LINGO2: variants seen among roughly 807,000 people sequenced by gnomAD.
LINGO2 encodes the protein leucine rich repeat and Ig domain containing 2.
Under a neutral mutation model 30.6 loss-of-function variants are expected in LINGO2, and 14 were observed. The ratio of observed to expected loss-of-function variants is 0.46; its 90% CI spans 0.30 to 0.72. The LOEUF (loss-of-function observed/expected upper bound fraction) is 0.72, where lower values mean the gene tolerates loss of function less well. Among genes scored for constraint, LINGO2 ranks in the 30% least tolerant of loss-of-function variants. The pLI is 0.07. For synonymous variants in LINGO2, 317 were observed against 288.5 expected (o/e 1.10, Z -1.00); for missense variants, 729 against 751.7 (o/e 0.97, Z 0.35).
intron 5 of LINGO2, among the ~76,000 whole-genome samples, chr9:27,967,256 G>T (rs941915188): frequency 2.0e-5 from 3 of 152,128 alleles, no homozygotes; most frequent in African/African-American, 7.2e-5. Flanking sequence ...TGAAGACATC[G>T]AGGGACTTGG....
At chr9:28,050,478 A>G (rs969661090) in intron 4 of LINGO2, among the ~76,000 whole-genome samples, 1 of 151,008 alleles carries the variant, frequency 6.6e-6, no homozygotes, top group Non-Finnish European at 1.5e-5. Flanking sequence ...ATTCAAGAAA[A>G]ACCACTGGGA....
At chr9:28,402,743 C>A (rs969620693) in intron 2 of LINGO2, among the ~76,000 whole-genome samples, 2 of 152,078 alleles carry the variant, frequency 1.3e-5, no homozygotes, top group Non-Finnish European at 2.9e-5. Context: ...TGAGAGACAA[C>A]CCTTTCCCCC....
chr9:28,817,601 A>G, the LINGO2 span, among the ~76,000 whole-genome samples: 1 of 152,164 alleles, frequency 6.6e-6, no homozygotes, highest in African/African-American at 2.4e-5. Context: ...CTTCTCAAAT[A>G]CAGCTTGAAA....
chr9:28,851,052 A>C, the LINGO2 span, among the ~76,000 whole-genome samples: 1 of 152,164 alleles, frequency 6.6e-6, no homozygotes, highest in Admixed American at 6.6e-5. Flanking sequence ...CCCAGGAGTA[A>C]AGACTTAATG....
intron 4 of LINGO2, among the ~76,000 whole-genome samples, chr9:28,155,501 TC>T (rs1248447067): frequency 6.6e-6 from 1 of 152,222 alleles, no homozygotes; most frequent in Non-Finnish European, 1.5e-5. Flanking sequence ...TCATGCTACT[TC>T]CTGCTTGAAA....
chr9:29,143,477 G>T, the LINGO2 span, among the ~76,000 whole-genome samples: 1 of 152,006 alleles, frequency 6.6e-6, no homozygotes, highest in Non-Finnish European at 1.5e-5. Flanking sequence ...AGACAAGTGG[G>T]ACAGATTAGA....
intron 1 of LINGO2, among the ~76,000 whole-genome samples, chr9:28,496,227 G>C (rs1367462814): frequency 6.6e-6 from 1 of 152,182 alleles, no homozygotes; most frequent in African/African-American, 2.4e-5. Context: ...CTAACTTTCT[G>C]TCTCGTTGAT....
chr9:28,308,283 C>T (rs544919666), intron 3 of LINGO2, among the ~76,000 whole-genome samples: 41 of 119,584 alleles, frequency 3.4e-4, no homozygotes, highest in African/African-American at 5.0e-4. Flanking sequence ...GCCGCATATC[C>T]ACAACTATCT....
At chr9:28,259,672 A>C (rs1213387112) in intron 4 of LINGO2, among the ~76,000 whole-genome samples, 1 of 152,116 alleles carries the variant, frequency 6.6e-6, no homozygotes, top group African/African-American at 2.4e-5. Flanking sequence ...AAAGGAGACC[A>C]GTAGAGGTAC....
chr9:28,758,846 G>C, the LINGO2 span, among the ~76,000 whole-genome samples: 1 of 151,984 alleles, frequency 6.6e-6, no homozygotes, highest in Non-Finnish European at 1.5e-5. Flanking sequence ...TAACTTACTG[G>C]ATCCATTTAC....
At chr9:28,719,183 C>T in the LINGO2 span, among the ~76,000 whole-genome samples, 3,457 of 152,102 alleles carry the variant, frequency 0.023, 73 homozygotes, top group Admixed American at 0.041. Flanking sequence ...AATGTCACTC[C>T]TGTTCCTCTC....
At chr9:29,026,344 T>C in the LINGO2 span, among the ~76,000 whole-genome samples, 234 of 152,270 alleles carry the variant, frequency 1.5e-3, no homozygotes, top group Non-Finnish European at 3.0e-3. Context: ...GCTTAAAGGA[T>C]AGAAATCAAG....
the LINGO2 span, among the ~76,000 whole-genome samples, chr9:28,916,123 C>T: frequency 6.6e-6 from 1 of 151,998 alleles, no homozygotes; most frequent in Non-Finnish European, 1.5e-5. Flanking sequence ...GCATGATTGA[C>T]CAGCACTAAC....
At chr9:28,876,566 C>T in the LINGO2 span, among the ~76,000 whole-genome samples, 1 of 152,146 alleles carries the variant, frequency 6.6e-6, no homozygotes, top group Non-Finnish European at 1.5e-5. Context: ...TATGTCCCTA[C>T]AAAGGACATG....
intron 3 of LINGO2, among the ~76,000 whole-genome samples, chr9:28,328,121 T>C (rs530213886): frequency 6.6e-6 from 1 of 152,278 alleles, no homozygotes; most frequent in South Asian, 2.1e-4. Flanking sequence ...GAAAATCATA[T>C]ATTGTATCCA....
chr9:28,647,574 T>C (rs12353020), intron 1 of LINGO2, among the ~76,000 whole-genome samples: 45,862 of 151,894 alleles, frequency 0.3, 8,046 homozygotes, highest in African/African-American at 0.48. Flanking sequence ...TCTATACTTT[T>C]ATATACTTAT....
At chr9:28,131,131 G>C (rs1403035029) in intron 4 of LINGO2, among the ~76,000 whole-genome samples, 1 of 151,092 alleles carries the variant, frequency 6.6e-6, no homozygotes, top group Non-Finnish European at 1.5e-5. Context: ...TTTCCTGAGA[G>C]TGATATGAGG....
intron 5 of LINGO2, among the ~76,000 whole-genome samples, chr9:27,989,564 T>C (rs1821294192): frequency 6.6e-6 from 1 of 151,730 alleles, no homozygotes; most frequent in South Asian, 2.1e-4. Flanking sequence ...GGGGATGAAA[T>C]GCTCAGGCAG....
chr9:28,069,630 G>A (rs982639867), intron 4 of LINGO2, among the ~76,000 whole-genome samples: 3 of 152,138 alleles, frequency 2.0e-5, no homozygotes, highest in African/African-American at 7.2e-5. Context: ...ATAACTTCTA[G>A]AGTTTCTGGC....
Sources: gnomAD v4.1 joint callset for allele counts (sites outside exome capture counted in the v4.1 genomes callset) on GRCh38, gnomAD v4.1.1 for gene constraint, MANE v1.5 for transcripts, NCBI Gene and HGNC (gene_info 2026-07-23, HGNC 2026-07-21) for gene names.